UTRN: variants seen among roughly 807,000 people sequenced by gnomAD.
The protein encoded by UTRN is utrophin.
Under a neutral mutation model 463.9 loss-of-function variants are expected in UTRN, and 283 were observed. The ratio of observed to expected loss-of-function variants is 0.61; its 90% CI spans 0.55 to 0.67. The LOEUF is 0.67. Among genes scored for constraint, UTRN ranks in the 30% least tolerant of loss-of-function variants. The pLI, the probability that UTRN is intolerant of heterozygous loss-of-function variation, is 0.00. For missense variants in UTRN, 3,922 were observed against 4,084.3 expected (o/e 0.96, Z 1.08); for synonymous variants, 1,442 against 1,431.5 (o/e 1.01, Z -0.17).
At chr6:144,558,468 G>A (rs1175273247) in intron 50 of UTRN, among the ~76,000 whole-genome samples, 1 of 152,056 alleles carries the variant, frequency 6.6e-6, no homozygotes, top group Non-Finnish European at 1.5e-5. Context: ...CTCAGGCAGG[G>A]AAGAAGGTGA....
chr6:144,391,526 T>G (rs1781922174), intron 2 of UTRN, among the ~76,000 whole-genome samples: 1 of 152,162 alleles, frequency 6.6e-6, no homozygotes, highest in African/African-American at 2.4e-5. Flanking sequence ...TAAAGGCAAG[T>G]TTCAGACCAA....
At chr6:144,844,227 G>T (rs546396522) in intron 73 of UTRN, among the ~76,000 whole-genome samples, 2 of 151,310 alleles carry the variant, frequency 1.3e-5, no homozygotes, top group Non-Finnish European at 2.9e-5. Flanking sequence ...AGAAATCAGC[G>T]TGGGAGGTAG....
At chr6:144,687,782 T>C (rs1025831959) in intron 52 of UTRN, among the ~76,000 whole-genome samples, 1 of 152,192 alleles carries the variant, frequency 6.6e-6, no homozygotes, top group African/African-American at 2.4e-5. Flanking sequence ...CTCCTAGAAC[T>C]GTTTCCTGCA....
At position 144,479,832 on chromosome 6, in the gene UTRN, G is replaced by C. The variant is rs749124767; in HGVS notation, c.3357G>C (p.Arg1119Ser). 2.5e-6 allele frequency: 4 copies of C among 1,613,554 alleles called. No individual in the cohort carries two copies. Among genetic ancestry groups the C allele is most frequent in the Non-Finnish European group, 3.4e-6 (4 of 1,179,866 alleles). The change falls in exon 26 of 75, where the codon AGG (arginine) becomes AGC (serine). Residue 1119 changes from arginine to serine, a missense_variant. This residue lies in a region of UTRN where 2,349 missense variants were observed against 2,303.8 expected (regional missense o/e 1.02). Coordinates refer to ENST00000367545, the MANE Select transcript of UTRN (RefSeq NM_007124.3). ...TGTAGATCGCTACTCAAAAAAGTAG[G>C]TTGTCTGAAAGTCAAGAAAAAGCTG... is the stretch of plus-strand genomic sequence containing the variant. ...LSKEIATQKS[R>S]LSESQEKAAN...
intron 13 of UTRN, among the ~76,000 whole-genome samples, chr6:144,440,860 G>A (rs1354543217): frequency 3.3e-5 from 5 of 152,188 alleles, no homozygotes; most frequent in Admixed American, 3.3e-4. Context: ...ATGGTGGAAG[G>A]GAAGGAGGAG....
At chr6:144,417,316 A>C (rs1021154524) in intron 3 of UTRN, among the ~76,000 whole-genome samples, 3 of 152,310 alleles carry the variant, frequency 2.0e-5, no homozygotes, top group East Asian at 3.9e-4. Context: ...GTAGCAGTAT[A>C]GCACAGATGT....
At position 144,522,066 on chromosome 6, in the gene UTRN, T is replaced by G. The variant is rs779231321; in HGVS notation, c.5628T>G (p.Ile1876Met). The G allele has an allele frequency of 7.5e-6, 12 of 1,597,950 alleles. No homozygotes were observed. The highest frequency in any genetic ancestry group is 1.0e-5 in the Non-Finnish European group (12 of 1,173,388). ...TTCCTACAGATTATCTGGTTGAAAT[T>G]AACAAAATTTTACTTTGCATGGATG... Reference protein sequence around the residue: ...SLLPTDYLVEINKILLCMDDV... With the variant: ...SLLPTDYLVEMNKILLCMDDV... The change falls in exon 40 of 75, where the codon ATT becomes ATG. Residue 1876 changes from isoleucine to methionine, a missense_variant. By Grantham distance (10) the Ile-to-Met change is conservative. Transcript: ENST00000367545.
In UTRN at chr6:144,823,418, T is replaced by G. The variant is rs73596541; in HGVS notation, c.9494+2400T>G. ...GGTAATAAAAAAGTTTGATTTTGTTTATTCTCCTATTTGTGGGAGGAGAAC... is the reference window on the plus strand; with the variant it reads ...GGTAATAAAAAAGTTTGATTTTGTTGATTCTCCTATTTGTGGGAGGAGAAC... On this transcript the variant is annotated intron_variant, in intron 66 of 74. Transcript: ENST00000367545. Among the ~76,000 whole-genome samples the G allele has an allele frequency of 7.8e-3, 1,194 of 152,284 alleles. 17 individuals carry two copies. Among genetic ancestry groups the G allele is most frequent in the African/African-American group, 0.026 (1,079 of 41,562 alleles).
At chr6:144,703,741 A>G (rs1014666569) in intron 53 of UTRN, among the ~76,000 whole-genome samples, 3 of 152,208 alleles carry the variant, frequency 2.0e-5, no homozygotes, top group Non-Finnish European at 4.4e-5. Flanking sequence ...GAGGTGTTAC[A>G]GTGGCATGAT....
At chr6:144,464,140 C>T (rs1292577733) in intron 23 of UTRN, among the ~76,000 whole-genome samples, 3 of 151,798 alleles carry the variant, frequency 2.0e-5, no homozygotes, top group African/African-American at 2.4e-5. Flanking sequence ...AGATTGAAAG[C>T]GAAGACAAAA....
rs77649946 is a variant in UTRN at position 144,589,936 on chromosome 6, T to C, written c.7479+12648T>C. 3.0e-4 allele frequency among the ~76,000 whole-genome samples: 45 copies of C among 151,996 alleles called. No homozygotes were observed. The East Asian group carries it at 8.4e-3, about 28-fold the overall frequency. On this transcript the variant is annotated intron_variant, in intron 51 of 74. Transcript: ENST00000367545. ...GTGCTATCATGGCTCACTGCAGCCTTGACCTCCTGGGCTCAAGCTATCCTC... is the reference window on the plus strand; with the variant it reads ...GTGCTATCATGGCTCACTGCAGCCTCGACCTCCTGGGCTCAAGCTATCCTC...
chr6:144,368,059 CG>C (rs1779661492), intron 2 of UTRN, among the ~76,000 whole-genome samples: 1 of 152,044 alleles, frequency 6.6e-6, no homozygotes, highest in South Asian at 2.1e-4. Context: ...GGATTACAGC[CG>C]TGAGCCACTG....
At chr6:144,744,498 T>C (rs1050631575) in intron 54 of UTRN, among the ~76,000 whole-genome samples, 49 of 149,792 alleles carry the variant, frequency 3.3e-4, no homozygotes, top group African/African-American at 1.2e-3. Flanking sequence ...ATATATATTT[T>C]CTTCTGAGTA....
rs192328255 is a variant in UTRN, at chr6:144,754,993, C to T, written c.8434+195C>T. Among the ~76,000 whole-genome samples, 366 of 152,190 alleles carry T rather than the reference C, an allele frequency of 2.4e-3. 2 individuals are homozygous for T. Among genetic ancestry groups the T allele is most frequent in the Non-Finnish European group, 3.4e-3 (233 of 68,004 alleles). The stretch of plus-strand genomic sequence containing the variant: ...AACGTAATGACAACTGAGAAGTCTT[C>T]AAGGTGGAACAGAAATGAACTCATC... On this transcript the variant is annotated intron_variant, in intron 57 of 74. Transcript: ENST00000367545.
chr6:144,826,165 T>A (rs1039270266), intron 66 of UTRN, among the ~76,000 whole-genome samples: 30 of 150,042 alleles, frequency 2.0e-4, no homozygotes, highest in African/African-American at 4.9e-4. Flanking sequence ...AAAGAAAAAA[T>A]AAATAAATAA....
chr6:144,298,972 A>G (rs1296259549), intron 2 of UTRN, among the ~76,000 whole-genome samples: 1 of 152,208 alleles, frequency 6.6e-6, no homozygotes, highest in Non-Finnish European at 1.5e-5. Flanking sequence ...TTTGGTATAC[A>G]ATATTTATAT....
In UTRN at chr6:144,839,166, G is replaced by C; in HGVS notation, c.10066-7G>C. 6.2e-7 allele frequency: 1 copy of C among 1,610,568 alleles called. No individual in the cohort carries two copies. Among genetic ancestry groups the C allele is most frequent in the Admixed American group, 1.7e-5 (1 of 59,950 alleles). On this transcript the variant is annotated splice_polypyrimidine_tract_variant and splice_region_variant and intron_variant, in intron 71 of 74. Transcript: ENST00000367545. ...TTCTCTGCTTTAACCTCTGAATGTG[G>C]TTCCAGCCTGAATCTGATTCCCGAA... is the stretch of plus-strand genomic sequence containing the variant.
chr6:144,296,795 T>C (rs2114521398), intron 2 of UTRN, among the ~76,000 whole-genome samples: 1 of 152,268 alleles, frequency 6.6e-6, no homozygotes, highest in Non-Finnish European at 1.5e-5. Context: ...TTTTCAGGGG[T>C]GGGACCCTGG....
intron 41 of UTRN, among the ~76,000 whole-genome samples, chr6:144,524,489 T>G (rs542448511): frequency 6.6e-6 from 1 of 152,278 alleles, no homozygotes; most frequent in African/African-American, 2.4e-5. Flanking sequence ...CATCTCAATT[T>G]TATTTTCATT....
Sources: gnomAD v4.1 joint callset for allele counts (sites outside exome capture counted in the v4.1 genomes callset) on GRCh38, gnomAD v4.1.1 for gene constraint, gnomAD v4.1.1 regional missense constraint, MANE v1.5 for transcripts, NCBI Gene and HGNC (gene_info 2026-07-23, HGNC 2026-07-21) for gene names.